TIAM1: variants seen among roughly 807,000 people sequenced by gnomAD.
The protein encoded by TIAM1 is rho guanine nucleotide exchange factor TIAM1.
A neutral mutation model predicts 163.5 loss-of-function variants in TIAM1; 65 were observed. That is an observed-to-expected ratio of 0.40 (90% CI 0.33 to 0.49). The LOEUF is 0.49. Ranked by LOEUF, TIAM1 falls within the 20% of genes least tolerant of loss-of-function variation. TIAM1 has a pLI of 0.77. For synonymous variants in TIAM1, 833 were observed against 810.1 expected (o/e 1.03, Z -0.48); for missense variants, 1,789 against 2,044.7 (o/e 0.87, Z 2.41).
chr21:31,394,371 A>AGC (rs1569292907), intron 2 of TIAM1, among the ~76,000 whole-genome samples: 2 of 152,206 alleles, frequency 1.3e-5, no homozygotes, highest in Admixed American at 1.3e-4. Context: ...GAACAGGCAG[A>AGC]GCACAAAAGA....
Position 31,127,114 on chromosome 21 carries a change from T to A in TIAM1, c.4084A>T (p.Lys1362Ter). 1 of 1,614,068 alleles carries A rather than the reference T, an allele frequency of 6.2e-7. No homozygotes were observed. The highest frequency in any genetic ancestry group is 8.5e-7 in the Non-Finnish European group (1 of 1,179,924). Residue 1362 changes from lysine to a stop codon, truncating the protein, a stop_gained, in exon 26 of 28, where the codon AAA becomes TAA. Transcript: ENST00000541036. LOFTEE classifies it high-confidence loss of function. Reference sequence around the variant, plus strand: ...TCCGGCCTCCCTTCAGACTCGGATTTTACATGGACAATTTCACACACGGCA... The same window carrying A: ...TCCGGCCTCCCTTCAGACTCGGATTATACATGGACAATTTCACACACGGCA... ...ANAVCEIVHVKSESEGRPERV... is the reference protein window; with the variant it reads ...ANAVCEIVHV
chr21:31,551,512 G>T (rs1213403565), intron 1 of TIAM1, among the ~76,000 whole-genome samples: 1 of 152,184 alleles, frequency 6.6e-6, no homozygotes, highest in Non-Finnish European at 1.5e-5. Flanking sequence ...GCTGAGGCAG[G>T]AGGATCGCTT....
intron 11 of TIAM1, among the ~76,000 whole-genome samples, chr21:31,207,098 G>A (rs1178278874): frequency 1.3e-5 from 2 of 152,186 alleles, no homozygotes; most frequent in South Asian, 2.1e-4. Flanking sequence ...ATGGTCACAT[G>A]TGAATAATAT....
chr21:31,381,066 T>C (rs2147174390), intron 2 of TIAM1, among the ~76,000 whole-genome samples: 1 of 152,292 alleles, frequency 6.6e-6, no homozygotes, highest in South Asian at 2.1e-4. Context: ...ACCAAGTACT[T>C]GTGTGCAATA....
chr21:31,267,543 GA>G (rs1237883479), intron 3 of TIAM1, among the ~76,000 whole-genome samples: 8 of 116,784 alleles, frequency 6.9e-5, no homozygotes, highest in Non-Finnish European at 1.4e-4. Flanking sequence ...GGCTCTATTT[GA>G]GCTCTAATGA....
chr21:31,127,278 A>G, intron 25 of TIAM1, 126 bp from the exon 26 acceptor site: 2 of 801,442 alleles, frequency 2.5e-6, no homozygotes, highest in Non-Finnish European at 4.0e-6. Context: ...GATCAAAGAT[A>G]TTTTCCTACT....
chr21:31,508,515 A>C (rs1157576355), intron 1 of TIAM1, among the ~76,000 whole-genome samples: 1 of 151,742 alleles, frequency 6.6e-6, no homozygotes, highest in Non-Finnish European at 1.5e-5. Flanking sequence ...CAGCCTCCTA[A>C]GTAGCTGGGA....
At chr21:31,188,905 C>A (rs2085422419) in intron 13 of TIAM1, among the ~76,000 whole-genome samples, 1 of 151,852 alleles carries the variant, frequency 6.6e-6, no homozygotes, top group Non-Finnish European at 1.5e-5. Context: ...AATTAGCACC[C>A]CTGTGGGGTA....
chr21:31,137,527 A>G (rs2833296), intron 22 of TIAM1, among the ~76,000 whole-genome samples: 36,860 of 151,914 alleles, frequency 0.24, 6,023 homozygotes, highest in African/African-American at 0.47. Flanking sequence ...CAAAAGACAA[A>G]TTCCCAGAGG....
At chr21:31,161,035 T>TGTGTGTGTGTGTG in intron 16 of TIAM1, 2 of 143,480 alleles carry the variant, frequency 1.4e-5, no homozygotes, top group African/African-American at 5.1e-5. Context: ...CTAAGAAAAG[T>TGTGTGTGTGTGTG]TGTGTGTGTG....
At chr21:31,325,819 C>T (rs9981339) in intron 2 of TIAM1, among the ~76,000 whole-genome samples, 28,617 of 152,076 alleles carry the variant, frequency 0.19, 3,014 homozygotes, top group Middle Eastern at 0.36. Flanking sequence ...AGGTGTCACA[C>T]GGAGGGGGCA....
chr21:31,419,187 G>A (rs1039473433), intron 2 of TIAM1, among the ~76,000 whole-genome samples: 3 of 152,158 alleles, frequency 2.0e-5, no homozygotes, highest in Non-Finnish European at 4.4e-5. Context: ...TCAGCACAAG[G>A]ATGGTACTCA....
intron 13 of TIAM1, among the ~76,000 whole-genome samples, chr21:31,194,123 TCTC>T (rs1336467204): frequency 7.0e-6 from 1 of 143,718 alleles, no homozygotes; most frequent in Non-Finnish European, 1.5e-5. Flanking sequence ...AGAGAGCTAT[TCTC>T]CTTTCTCTTT....
upstream of TIAM1, among the ~76,000 whole-genome samples, chr21:31,345,491 C>CAT (rs35276686): frequency 0.16 from 23,478 of 150,848 alleles, 1,891 homozygotes; most frequent in Middle Eastern, 0.19. Flanking sequence ...CGGATTCACA[C>CAT]ATATATATAT....
intron 4 of TIAM1, among the ~76,000 whole-genome samples, chr21:31,252,966 G>A (rs2071897289): frequency 1.3e-5 from 2 of 152,194 alleles, no homozygotes; most frequent in Admixed American, 1.3e-4. Flanking sequence ...ATGACAGCTC[G>A]GGGCAACTGC....
At chr21:31,147,346 C>T (rs1166209310) in intron 19 of TIAM1, among the ~76,000 whole-genome samples, 1 of 152,116 alleles carries the variant, frequency 6.6e-6, no homozygotes, top group African/African-American at 2.4e-5. Flanking sequence ...TCAATTCTCT[C>T]ATTAGCTCCT....
At chr21:31,403,369 G>A (rs1347606151) in intron 2 of TIAM1, among the ~76,000 whole-genome samples, 5 of 152,078 alleles carry the variant, frequency 3.3e-5, no homozygotes, top group African/African-American at 9.7e-5. Context: ...GGATGGTCTC[G>A]ATCTCTTGAC....
intron 6 of TIAM1, among the ~76,000 whole-genome samples, chr21:31,230,167 G>A (rs2088330447): frequency 6.6e-6 from 1 of 152,130 alleles, no homozygotes; most frequent in Non-Finnish European, 1.5e-5. Flanking sequence ...AACTCACAGA[G>A]TAAGAAAAGG....
At chr21:31,216,701 T>C (rs1180476436) in intron 9 of TIAM1, among the ~76,000 whole-genome samples, 2 of 152,136 alleles carry the variant, frequency 1.3e-5, no homozygotes, top group Admixed American at 1.3e-4. Context: ...CCAGGCTATG[T>C]TGCGCCCTCA....
Sources: gnomAD v4.1 joint callset for allele counts (sites outside exome capture counted in the v4.1 genomes callset) on GRCh38, gnomAD v4.1.1 for gene constraint, MANE v1.5 for transcripts, NCBI Gene and HGNC (gene_info 2026-07-23, HGNC 2026-07-21) for gene names.